Variants in TEAD1 observed in about 807,000 individuals in gnomAD.
TEAD1 encodes TEA domain transcription factor 1, also known as transcriptional enhancer factor TEF-1.
Under a neutral mutation model 54.9 loss-of-function variants are expected in TEAD1, and 9 were observed. That is an observed-to-expected ratio of 0.16 (90% CI 0.10 to 0.29). The LOEUF is 0.29. Among genes scored for constraint, TEAD1 ranks in the 10% least tolerant of loss-of-function variants. TEAD1 has a pLI of 1.00. For synonymous variants in TEAD1, 200 were observed against 187.8 expected (o/e 1.07, Z -0.53); for missense variants, 387 against 535.9 (o/e 0.72, Z 2.74).
chr11:12,931,773 T>C (rs1949014879), intron 12 of TEAD1, among the ~76,000 whole-genome samples: 1 of 146,540 alleles, frequency 6.8e-6, no homozygotes, highest in Admixed American at 6.7e-5. Context: ...CTATACACCA[T>C]TGTATAAAAA....
At chr11:12,677,299 C>G (rs1943116088) in intron 2 of TEAD1, among the ~76,000 whole-genome samples, 1 of 147,456 alleles carries the variant, frequency 6.8e-6, no homozygotes, top group Non-Finnish European at 1.5e-5. Context: ...TTTTCCTTGC[C>G]TTGTGGTACA....
chr11:12,857,576 C>CTCTG (rs1554942759), intron 3 of TEAD1, among the ~76,000 whole-genome samples: 2 of 67,928 alleles, frequency 2.9e-5, no homozygotes, highest in Non-Finnish European at 5.5e-5. Context: ...CTCTCTCTGT[C>CTCTG]TCTGTGTGTG....
intron 10 of TEAD1, among the ~76,000 whole-genome samples, chr11:12,924,301 G>T (rs1055328176): frequency 1.3e-5 from 2 of 152,122 alleles, no homozygotes; most frequent in African/African-American, 2.4e-5. Context: ...TTTTCTATCT[G>T]AATGATAGTT....
chr11:12,838,999 T>C (rs1946967779), intron 3 of TEAD1, among the ~76,000 whole-genome samples: 1 of 152,146 alleles, frequency 6.6e-6, no homozygotes, highest in South Asian at 2.1e-4. Flanking sequence ...AAAAGACACG[T>C]CACCACACAA....
At chr11:12,903,129 T>C (rs1022857280) in intron 10 of TEAD1, among the ~76,000 whole-genome samples, 9 of 152,272 alleles carry the variant, frequency 5.9e-5, no homozygotes, top group East Asian at 1.9e-4. Flanking sequence ...TTACGTGCAT[T>C]TCATTTCATC....
intron 3 of TEAD1, among the ~76,000 whole-genome samples, chr11:12,835,126 C>T (rs1365978005): frequency 2.0e-5 from 3 of 152,052 alleles, no homozygotes; most frequent in East Asian, 3.9e-4. Flanking sequence ...AGCTAATGCA[C>T]CAAAACCGGC....
chr11:12,697,883 C>T (rs910613334), intron 2 of TEAD1, among the ~76,000 whole-genome samples: 1 of 152,076 alleles, frequency 6.6e-6, no homozygotes, highest in African/African-American at 2.4e-5. Flanking sequence ...ATTAGCCAGG[C>T]ATGGTGGCAG....
intron 5 of TEAD1, among the ~76,000 whole-genome samples, chr11:12,868,781 C>G (rs1468606325): frequency 2.0e-5 from 3 of 152,168 alleles, no homozygotes; most frequent in Non-Finnish European, 1.5e-5. Flanking sequence ...TGTTCTAGGT[C>G]CTTTTGTAGA....
chr11:12,724,725 C>T (rs1944280834), intron 2 of TEAD1, among the ~76,000 whole-genome samples: 1 of 152,220 alleles, frequency 6.6e-6, no homozygotes, highest in African/African-American at 2.4e-5. Context: ...GAACCTCCTG[C>T]TCAGTGGGGG....
At chr11:12,718,053 A>G (rs530861537) in intron 2 of TEAD1, among the ~76,000 whole-genome samples, 2 of 152,230 alleles carry the variant, frequency 1.3e-5, no homozygotes, top group Non-Finnish European at 2.9e-5. Flanking sequence ...GAGGAGGAAG[A>G]GTGGTTTTCT....
intron 3 of TEAD1, among the ~76,000 whole-genome samples, chr11:12,776,913 G>C (rs964358508): frequency 1.3e-5 from 2 of 151,846 alleles, no homozygotes; most frequent in Non-Finnish European, 2.9e-5. Context: ...TCCTGCCTCA[G>C]CCTCCGCAGT....
At chr11:12,789,162 A>C (rs1349091335) in intron 3 of TEAD1, among the ~76,000 whole-genome samples, 1 of 152,200 alleles carries the variant, frequency 6.6e-6, no homozygotes, top group Non-Finnish European at 1.5e-5. Context: ...GTTAGATGTA[A>C]CATTACTACC....
chr11:12,739,569 A>G (rs557873034), intron 2 of TEAD1, among the ~76,000 whole-genome samples: 1 of 152,322 alleles, frequency 6.6e-6, no homozygotes, highest in Non-Finnish European at 1.5e-5. Context: ...TTCACTTAGC[A>G]TAATCTCCAC....
At chr11:12,843,045 A>AT (rs148678147) in intron 3 of TEAD1, among the ~76,000 whole-genome samples, 2,034 of 151,998 alleles carry the variant, frequency 0.013, 39 homozygotes, top group African/African-American at 0.039. Context: ...GAAAAAAAAA[A>AT]TTTTTTTTCT....
intron 2 of TEAD1, among the ~76,000 whole-genome samples, chr11:12,709,379 C>T (rs1426399898): frequency 6.6e-6 from 1 of 151,702 alleles, no homozygotes; most frequent in Non-Finnish European, 1.5e-5. Flanking sequence ...TTGATGTTTA[C>T]TTTTTATAGT....
chr11:12,820,679 C>G (rs535617874), intron 3 of TEAD1, among the ~76,000 whole-genome samples: 2 of 152,160 alleles, frequency 1.3e-5, no homozygotes, highest in Non-Finnish European at 2.9e-5. Flanking sequence ...ATCATGGCTA[C>G]TGTTTCAGGG....
At chr11:12,718,756 A>G (rs1944118887) in intron 2 of TEAD1, among the ~76,000 whole-genome samples, 1 of 152,098 alleles carries the variant, frequency 6.6e-6, no homozygotes, top group Non-Finnish European at 1.5e-5. Flanking sequence ...AGGCCAGTCT[A>G]GTTGTATTCA....
intron 3 of TEAD1, among the ~76,000 whole-genome samples, chr11:12,821,961 CTTTTTTTT>C (rs10700151): frequency 2.2e-4 from 15 of 68,068 alleles, no homozygotes; most frequent in Admixed American, 1.0e-3. Flanking sequence ...TTCTCTTTTC[CTTTTTTTT>C]TTTTTTTTTT....
intron 4 of TEAD1, among the ~76,000 whole-genome samples, chr11:12,864,372 A>G (rs1388444316): frequency 6.6e-6 from 1 of 152,080 alleles, no homozygotes; most frequent in Non-Finnish European, 1.5e-5. Flanking sequence ...CCCTCCCAAA[A>G]TTAGTTTTTC....
Sources: allele counts gnomAD v4.1 joint callset (sites outside exome capture counted in the v4.1 genomes callset), GRCh38; gene constraint gnomAD v4.1.1; transcripts MANE v1.5; gene names NCBI Gene and HGNC (gene_info 2026-07-23, HGNC 2026-07-21).